Variants in CS observed in about 807,000 individuals in gnomAD.
CS encodes the protein citrate synthase, mitochondrial.
A neutral mutation model predicts 61.4 loss-of-function variants in CS; 13 were observed. The ratio of observed to expected loss-of-function variants is 0.21; its 90% confidence interval spans 0.14 to 0.34. The LOEUF (loss-of-function observed/expected upper bound fraction) is 0.34, where lower values mean the gene tolerates loss of function less well. Ranked by LOEUF, CS falls within the 10% of genes least tolerant of loss-of-function variation. The pLI is 1.00. For synonymous variants in CS, 159 were observed against 215.2 expected, an observed-to-expected ratio of 0.74 and a Z score of 2.29; for missense variants, 278 against 573.4, an observed-to-expected ratio of 0.48 and a Z score of 5.26.
intron 6 of CS, among the ~76,000 whole-genome samples, chr12:56,278,342 G>A (rs917762527): frequency 3.3e-5 from 5 of 151,924 alleles, no homozygotes; most frequent in Non-Finnish European, 7.4e-5. Flanking sequence ...TGGCCAGGCC[G>A]GTCTCAAACT....
intron 7 of CS, 57 bp downstream of exon 7, chr12:56,275,939 A>C: frequency 6.6e-7 from 1 of 1,512,186 alleles, no homozygotes; most frequent in Non-Finnish European, 9.2e-7. Flanking sequence ...GGAGCTTTTA[A>C]AAAAATTTCC....
intron 1 of CS, among the ~76,000 whole-genome samples, chr12:56,294,191 C>T (rs1324611981): frequency 6.6e-6 from 1 of 152,036 alleles, no homozygotes; most frequent in African/African-American, 2.4e-5. Flanking sequence ...TCACCGATCA[C>T]TGCTGGGTGC....
intron 1 of CS, 72 bp downstream of exon 1, chr12:56,300,088 C>G (rs1430283159): frequency 1.3e-5 from 19 of 1,480,724 alleles, no homozygotes; most frequent in East Asian, 2.6e-5. Context: ...GGAGGGAGAC[C>G]CCGGCGCCGG....
chr12:56,295,580 G>A (rs1190231734), intron 1 of CS, among the ~76,000 whole-genome samples: 1 of 151,968 alleles, frequency 6.6e-6, no homozygotes, highest in East Asian at 1.9e-4. Flanking sequence ...GTATATACTA[G>A]TGAATAAAGA....
intron 1 of CS, among the ~76,000 whole-genome samples, chr12:56,299,604 G>A (rs1490460180): frequency 2.0e-5 from 3 of 152,222 alleles, no homozygotes; most frequent in African/African-American, 7.2e-5. Flanking sequence ...CAAGGACAAA[G>A]AGGAGGGCCT....
rs1873448579 is a variant in CS at position 56,300,240 on chromosome 12, G to GGGAGAGAGCT, written c.-49_-40dup. ...CGGGATCTGGTGGGGAGGTAAGAAA[G>GGGAGAGAGCT]GGAGAGAGCTGCGGCAGGAACAGGA... On this transcript the variant is annotated 5_prime_UTR_variant, in exon 1 of 11. Transcript: ENST00000351328. 6.5e-7 allele frequency: 1 copy of GGGAGAGAGCT among 1,544,528 alleles called. No homozygotes were observed. The highest frequency in any genetic ancestry group is 1.2e-5 in the South Asian group (1 of 84,220).
intron 1 of CS, among the ~76,000 whole-genome samples, chr12:56,296,747 C>T (rs1873319279): frequency 6.6e-6 from 1 of 152,140 alleles, no homozygotes; most frequent in African/African-American, 2.4e-5. Context: ...ATTCATTCAC[C>T]TGCTACCAAC....
chr12:56,297,140 CA>C (rs1200959641), intron 1 of CS, among the ~76,000 whole-genome samples: 1 of 152,178 alleles, frequency 6.6e-6, no homozygotes, highest in Non-Finnish European at 1.5e-5. Flanking sequence ...CTTGGAGAAG[CA>C]ATTTTCAGTG....
chr12:56,300,076 TG>T (rs1201671575), intron 1 of CS, 83 bp downstream of exon 1: 32 of 1,392,188 alleles, frequency 2.3e-5, no homozygotes, highest in Non-Finnish European at 3.1e-5. Context: ...CGCACGGGTG[TG>T]GGAGGGAGAC....
chr12:56,277,249 C>T (rs1445270737), intron 6 of CS, among the ~76,000 whole-genome samples: 2 of 149,016 alleles, frequency 1.3e-5, no homozygotes, highest in African/African-American at 4.9e-5. Flanking sequence ...CCTGTAATCC[C>T]AGCACTTTCG....
intron 1 of CS, among the ~76,000 whole-genome samples, chr12:56,295,722 A>C (rs2135926721): frequency 6.6e-6 from 1 of 151,706 alleles, no homozygotes; most frequent in East Asian, 2.0e-4. Flanking sequence ...TGGGAGGTGG[A>C]GGCGGGCGGA....
intron 1 of CS, among the ~76,000 whole-genome samples, chr12:56,292,126 T>C (rs1873144005): frequency 6.6e-6 from 1 of 152,174 alleles, no homozygotes; most frequent in Admixed American, 6.6e-5. Context: ...AGCTGGGCAC[T>C]GTGGCTCAAG....
rs1162250611 is a variant in CS, at chr12:56,272,151, C to T, written c.*933G>A. On this transcript the variant is annotated 3_prime_UTR_variant, in exon 11 of 11. Coordinates refer to ENST00000351328, the MANE Select transcript of CS (RefSeq NM_004077.3). ...AAAAGAGGTGCTAATACCCCGGGGA[C>T]AAGACTCTGAAAATATCATGCTGGT... The T allele has an allele frequency of 7.1e-6, 2 of 279,832 alleles. No individual in the cohort carries two copies. The highest frequency in any genetic ancestry group is 1.4e-5 in the Non-Finnish European group (2 of 140,864). The allele number at this position is 279,832 out of a possible 1,614,324, so 17.3% of individuals were successfully genotyped here.
In CS at chr12:56,294,464, ACT is replaced by A. The variant is rs545344055; in HGVS notation, c.42+5694_42+5695del. Among the ~76,000 whole-genome samples, 570 of 124,538 alleles carry A rather than the reference ACT, an allele frequency of 4.6e-3. 9 individuals carry two copies. Among genetic ancestry groups the A allele is most frequent in the African/African-American group, 0.018 (539 of 30,748 alleles). 81.7% of individuals were successfully genotyped at this position (124,538 alleles called of 152,430 possible). A position where few individuals can be genotyped will look rare whatever the true frequency, so the allele number is the denominator to read the frequency against. On this transcript the variant is annotated intron_variant, in intron 1 of 10. Transcript: ENST00000351328. ...ACTCCAGCCTGGGCGACAGAGCAAG[ACT>A]CTGTCTCAAAAAAAAAAAAAAAAAA... is the stretch of plus-strand genomic sequence containing the variant.
rs1872539848 is a variant in CS at position 56,272,438 on chromosome 12, ACAGAACAC to A, written c.*638_*645del. The A allele has an allele frequency of 6.5e-6, 1 of 152,796 alleles. No homozygotes were observed. The highest frequency in any genetic ancestry group is 1.5e-5 in the Non-Finnish European group (1 of 68,578). The allele number at this position is 152,796 out of a possible 1,614,324, so 9.5% of individuals were successfully genotyped here. The stretch of plus-strand genomic sequence containing the variant: ...GAGGTGAGTATTAAAGTAATGGGAA[ACAGAACAC>A]TCCCAGACCTTAATTTTAATTGGAT... On this transcript the variant is annotated 3_prime_UTR_variant, in exon 11 of 11. Transcript: ENST00000351328.
rs192017388 is a variant in CS, at chr12:56,273,599, C to T, written c.1218G>A (p.Gly406=). ...AAGGAGGACTTACCTGGAGCAGCACCCCACTGTGAGCATCTACATTGGGCC... is the reference window on the plus strand; with the variant it reads ...AAGGAGGACTTACCTGGAGCAGCACTCCACTGTGAGCATCTACATTGGGCC... The part of the protein sequence containing the change: ...NPWPNVDAHS[G]VLLQYYGMTE... Residue 406 remains glycine, a synonymous_variant, in exon 10 of 11, where the codon GGG becomes GGA. Coordinates refer to ENST00000351328, the MANE Select transcript of CS (RefSeq NM_004077.3). The T allele has an allele frequency of 1.7e-5, 27 of 1,613,788 alleles. No homozygotes were observed. Among genetic ancestry groups the T allele is most frequent in the African/African-American group, 2.7e-5 (2 of 74,882 alleles).
intron 3 of CS, among the ~76,000 whole-genome samples, chr12:56,284,683 C>T (rs1872883869): frequency 1.1e-5 from 1 of 90,110 alleles, no homozygotes; most frequent in Non-Finnish European, 2.2e-5. Context: ...GGGCAGATCA[C>T]GACGTCAGGA....
chr12:56,284,730 C>G (rs905253266), intron 3 of CS, among the ~76,000 whole-genome samples: 1 of 149,272 alleles, frequency 6.7e-6, no homozygotes, highest in African/African-American at 2.5e-5. Flanking sequence ...GAAACCCTGT[C>G]TCTACTAAAA....
chr12:56,281,752 A>G (rs1872782671), intron 6 of CS, among the ~76,000 whole-genome samples: 1 of 152,000 alleles, frequency 6.6e-6, no homozygotes, highest in Non-Finnish European at 1.5e-5. Flanking sequence ...GCCTTAAGCA[A>G]TCCTCCCACC....
Sources: allele counts gnomAD v4.1 joint callset (sites outside exome capture counted in the v4.1 genomes callset), GRCh38; gene constraint gnomAD v4.1.1; transcripts MANE v1.5; gene names NCBI Gene and HGNC (gene_info 2026-07-23, HGNC 2026-07-21).